The following GALNT17 variants were observed in gnomAD, a reference collection of about 807,000 sequenced individuals.
The protein encoded by GALNT17 is UDP-GalNAc:polypeptide N-acetylgalactosaminyltransferase-like 3.
A neutral mutation model predicts 63.7 loss-of-function variants in GALNT17; 29 were observed. The observed-to-expected ratio is 0.46, with a 90% confidence interval of 0.34 to 0.62. GALNT17 has a LOEUF of 0.62. Among genes scored for constraint, GALNT17 ranks in the 20% least tolerant of loss-of-function variants. The pLI is 0.01. For missense variants in GALNT17, 603 were observed against 799.6 expected, an observed-to-expected ratio of 0.75 and a Z score of 2.97; for synonymous variants, 305 against 318.3, an observed-to-expected ratio of 0.96 and a Z score of 0.45.
chr7:71,591,030 G>A (rs1789792168), intron 6 of GALNT17, among the ~76,000 whole-genome samples: 1 of 151,894 alleles, frequency 6.6e-6, no homozygotes, highest in African/African-American at 2.4e-5. Context: ...CAAAGTACTG[G>A]GATTACAGGC....
chr7:71,612,365 A>G (rs990170612), intron 6 of GALNT17, among the ~76,000 whole-genome samples: 3 of 152,184 alleles, frequency 2.0e-5, no homozygotes, highest in East Asian at 1.9e-4. Context: ...GACACTAAAT[A>G]TTTGTCATTT....
intron 5 of GALNT17, among the ~76,000 whole-genome samples, chr7:71,486,659 C>A (rs1787915061): frequency 6.6e-6 from 1 of 151,372 alleles, no homozygotes; most frequent in African/African-American, 2.4e-5. Flanking sequence ...AGTTCAAGAC[C>A]AGCCTGGGCA....
chr7:71,658,282 G>A (rs138438767), intron 6 of GALNT17, among the ~76,000 whole-genome samples: 2 of 152,140 alleles, frequency 1.3e-5, no homozygotes, highest in Non-Finnish European at 2.9e-5. Context: ...CTAAACCAAC[G>A]TGCCACTGAA....
chr7:71,390,703 C>A (rs1384242117), intron 3 of GALNT17, among the ~76,000 whole-genome samples: 1 of 152,158 alleles, frequency 6.6e-6, no homozygotes, highest in Admixed American at 6.6e-5. Context: ...TCTCTTCTCT[C>A]GAACTCCCTG....
chr7:71,299,954 A>G (rs554349394), intron 1 of GALNT17, among the ~76,000 whole-genome samples: 4 of 152,008 alleles, frequency 2.6e-5, no homozygotes, highest in African/African-American at 9.6e-5. Context: ...TTAGTAGAGA[A>G]GAGGTTTCAC....
intron 5 of GALNT17, among the ~76,000 whole-genome samples, chr7:71,568,456 C>T (rs1249519019): frequency 6.6e-6 from 1 of 152,198 alleles, no homozygotes; most frequent in Non-Finnish European, 1.5e-5. Flanking sequence ...CTCTTAGTTG[C>T]TCGGATGACA....
chr7:71,615,775 G>A (rs10243758), intron 6 of GALNT17, among the ~76,000 whole-genome samples: 11,749 of 152,138 alleles, frequency 0.077, 546 homozygotes, highest in African/African-American at 0.13. Context: ...ACCGCGCCCG[G>A]CCTCAAAGTG....
chr7:71,634,219 G>A (rs764860015), intron 6 of GALNT17, among the ~76,000 whole-genome samples: 14 of 152,116 alleles, frequency 9.2e-5, no homozygotes, highest in African/African-American at 3.1e-4. Flanking sequence ...CCTAAGGGCC[G>A]TGTGGAGCCA....
intron 1 of GALNT17, among the ~76,000 whole-genome samples, chr7:71,270,615 A>G (rs1256980739): frequency 6.6e-6 from 1 of 151,682 alleles, no homozygotes; most frequent in Non-Finnish European, 1.5e-5. Context: ...AATGGACTTA[A>G]TGTATGCATC....
chr7:71,602,017 A>T (rs1429033805), intron 6 of GALNT17, among the ~76,000 whole-genome samples: 1 of 152,208 alleles, frequency 6.6e-6, no homozygotes, highest in African/African-American at 2.4e-5. Flanking sequence ...GAGTCTTTCC[A>T]GCTGACCCGT....
chr7:71,266,357 T>G (rs1360312028), intron 1 of GALNT17, among the ~76,000 whole-genome samples: 1 of 152,144 alleles, frequency 6.6e-6, no homozygotes, highest in Non-Finnish European at 1.5e-5. Context: ...ACTTCCCCCT[T>G]ACTGTTCTCA....
chr7:71,403,671 A>T (rs1378962794), intron 3 of GALNT17, among the ~76,000 whole-genome samples: 4 of 152,180 alleles, frequency 2.6e-5, no homozygotes, highest in African/African-American at 9.7e-5. Flanking sequence ...GGTCCTGAAT[A>T]CGGAGCACCC....
At chr7:71,670,255 C>A in intron 8 of GALNT17, 146 bp downstream of exon 8, 2 of 1,127,228 alleles carry the variant, frequency 1.8e-6, no homozygotes, top group Non-Finnish European at 2.6e-6. Flanking sequence ...TTCTCTCTAG[C>A]TGGGGGGTTG....
At chr7:71,397,176 A>G (rs1425771064) in intron 3 of GALNT17, among the ~76,000 whole-genome samples, 2 of 152,162 alleles carry the variant, frequency 1.3e-5, no homozygotes, top group East Asian at 1.9e-4. Flanking sequence ...TTTTCCTACC[A>G]TGTCAAGGAT....
chr7:71,304,031 G>A (rs1181494583), intron 1 of GALNT17, among the ~76,000 whole-genome samples: 1 of 152,112 alleles, frequency 6.6e-6, no homozygotes, highest in Non-Finnish European at 1.5e-5. Context: ...TACTAAATAA[G>A]CTTGTCCCTC....
chr7:71,153,492 C>T (rs1363891423), intron 1 of GALNT17, among the ~76,000 whole-genome samples: 3 of 151,960 alleles, frequency 2.0e-5, no homozygotes, highest in Non-Finnish European at 4.4e-5. Context: ...AAGGTAGAGT[C>T]GATGATGGAA....
intron 1 of GALNT17, among the ~76,000 whole-genome samples, chr7:71,150,352 C>T (rs901599372): frequency 1.3e-4 from 20 of 151,904 alleles, no homozygotes; most frequent in African/African-American, 4.8e-4. Flanking sequence ...CTCTTGGGCA[C>T]AGAGCTAATC....
chr7:71,262,981 G>T (rs988429765), intron 1 of GALNT17, among the ~76,000 whole-genome samples: 1 of 151,984 alleles, frequency 6.6e-6, no homozygotes, highest in African/African-American at 2.4e-5. Context: ...ACACCCAGCC[G>T]ACTGGTGTCC....
At chr7:71,681,408 C>T (rs537380663) in intron 9 of GALNT17, among the ~76,000 whole-genome samples, 6 of 152,318 alleles carry the variant, frequency 3.9e-5, no homozygotes, top group Non-Finnish European at 5.9e-5. Context: ...TAGCTAGTCT[C>T]GGGCTGAGAT....
Sources: gnomAD v4.1 joint callset for allele counts (sites outside exome capture counted in the v4.1 genomes callset) on GRCh38, gnomAD v4.1.1 for gene constraint, MANE v1.5 for transcripts, NCBI Gene and HGNC (gene_info 2026-07-23, HGNC 2026-07-21) for gene names.